UNC80: variants seen among roughly 807,000 people sequenced by gnomAD.
The protein encoded by UNC80 is unc-80 subunit of NALCN channel complex.
Under a neutral mutation model 384.6 loss-of-function variants are expected in UNC80, and 164 were observed. The observed-to-expected ratio is 0.43, with a 90% CI of 0.38 to 0.49. The LOEUF (loss-of-function observed/expected upper bound fraction) is 0.49, where lower values mean the gene tolerates loss of function less well. UNC80 is among the 20% of genes least tolerant of loss of function. The pLI is 0.00. For missense variants in UNC80, 3,330 were observed against 4,143.0 expected, an observed-to-expected ratio of 0.80 and a Z score of 5.39; for synonymous variants, 1,486 against 1,527.8, an observed-to-expected ratio of 0.97 and a Z score of 0.64.
chr2:209,772,337 GTA>G (rs1347183612), intron 1 of UNC80, among the ~76,000 whole-genome samples, 173 bp downstream of exon 1: 1 of 151,198 alleles, frequency 6.6e-6, no homozygotes, highest in African/African-American at 2.4e-5. Flanking sequence ...ATTAAAATAT[GTA>G]TATATATGTA....
chr2:209,913,987 A>C, intron 31 of UNC80, 47 bp downstream of exon 31: 1 of 1,502,316 alleles, frequency 6.7e-7, no homozygotes, highest in Non-Finnish European at 8.9e-7. Flanking sequence ...CACTGCTGTT[A>C]CTGATCCAAG....
At chr2:209,886,957 T>C (rs761315800) in intron 25 of UNC80, among the ~76,000 whole-genome samples, 4 of 152,130 alleles carry the variant, frequency 2.6e-5, no homozygotes, top group Non-Finnish European at 4.4e-5. Context: ...AAGAATCTGT[T>C]TCCTCACCCT....
chr2:209,789,440 A>G, intron 5 of UNC80, 92 bp from the exon 6 acceptor site: 1 of 856,770 alleles, frequency 1.2e-6, no homozygotes. Context: ...TGTTCTATTA[A>G]AATAGCTTTT....
chr2:209,916,251 C>T (rs1157528509), intron 31 of UNC80, among the ~76,000 whole-genome samples: 1 of 151,614 alleles, frequency 6.6e-6, no homozygotes, highest in East Asian at 1.9e-4. Flanking sequence ...AGCCACTGGT[C>T]TTCTCCACAT....
chr2:209,815,739 A>C (rs2153827464), intron 9 of UNC80, among the ~76,000 whole-genome samples: 1 of 152,328 alleles, frequency 6.6e-6, no homozygotes, highest in East Asian at 1.9e-4. Context: ...CAAGTACTTT[A>C]TATAAATAGT....
chr2:209,918,761 A>G, intron 33 of UNC80, 98 bp downstream of exon 33: 1 of 1,323,218 alleles, frequency 7.6e-7, no homozygotes, highest in East Asian at 2.6e-5. Flanking sequence ...GAATGTAATA[A>G]TAACACAGAA....
Position 209,982,325 on chromosome 2 carries a change from G to A in UNC80, c.9257+8G>A. The A allele has an allele frequency of 2.6e-6, 4 of 1,550,156 alleles. No individual in the cohort carries two copies. The highest frequency in any genetic ancestry group is 3.5e-6 in the Non-Finnish European group (4 of 1,146,486). On this transcript the variant is annotated splice_region_variant and intron_variant, in intron 60 of 64. Coordinates refer to ENST00000673920, the MANE Select transcript of UNC80 (RefSeq NM_001371986.1). Reference sequence around the variant, plus strand: ...CATGCTACCCAGCCAGAGGTAAACAGCTATGGTTATACTGTACTCTGCATT... The same window carrying A: ...CATGCTACCCAGCCAGAGGTAAACAACTATGGTTATACTGTACTCTGCATT...
chr2:209,972,957 G>A (rs1038853131), intron 55 of UNC80, 107 bp from the exon 56 acceptor site: 1 of 948,356 alleles, frequency 1.1e-6, no homozygotes. Context: ...TTTCTAGGGT[G>A]TTGTAGTTTG....
In UNC80 at chr2:209,831,536, C is replaced by A; in HGVS notation, c.2720C>A (p.Ser907Tyr). ...EGIIVSAMFK[S>Y]LITRCASTTH... ...ATTATCGTCAGCGCCATGTTTAAAT[C>A]CCTCATCACACGCTGCGCTTCAACC... The change falls in exon 16 of 65, where the codon TCC becomes TAC. Residue 907 changes from serine to tyrosine, a missense_variant. Transcript: ENST00000673920. 6.4e-7 allele frequency: 1 copy of A among 1,551,128 alleles called. No homozygotes were observed. The highest frequency in any genetic ancestry group is 8.7e-7 in the Non-Finnish European group (1 of 1,146,726).
chr2:209,819,517 T>G (rs761565334), intron 12 of UNC80, among the ~76,000 whole-genome samples: 19 of 152,086 alleles, frequency 1.2e-4, no homozygotes, highest in Non-Finnish European at 2.2e-4. Flanking sequence ...ATCCTGAATA[T>G]ACATATATAA....
intron 25 of UNC80, among the ~76,000 whole-genome samples, chr2:209,885,939 A>G (rs1291220730): frequency 1.3e-5 from 2 of 151,638 alleles, no homozygotes; most frequent in African/African-American, 4.8e-5. Context: ...TAATTTTTGT[A>G]TTTTTAGTAG....
At chr2:209,924,107 C>T (rs1575032031) in intron 35 of UNC80, among the ~76,000 whole-genome samples, 1 of 152,148 alleles carries the variant, frequency 6.6e-6, no homozygotes, top group East Asian at 1.9e-4. Context: ...ATTTAAGCTT[C>T]CTCAGGGTTA....
intron 22 of UNC80, among the ~76,000 whole-genome samples, chr2:209,869,533 T>C (rs534995624): frequency 2.6e-5 from 4 of 152,226 alleles, no homozygotes; most frequent in South Asian, 2.1e-4. Context: ...GTAATATATA[T>C]ACTAAAATAC....
chr2:209,941,120 G>GA, intron 43 of UNC80, 101 bp from the exon 44 acceptor site: 2 of 1,372,542 alleles, frequency 1.5e-6, no homozygotes, highest in Non-Finnish European at 1.9e-6. Flanking sequence ...TCCTGGAGCT[G>GA]GAACAAACGG....
intron 29 of UNC80, among the ~76,000 whole-genome samples, chr2:209,908,824 A>T (rs2088580303): frequency 6.6e-6 from 1 of 152,200 alleles, no homozygotes; most frequent in Non-Finnish European, 1.5e-5. Context: ...TACATAATTC[A>T]TGTGTTAAAG....
Position 209,959,544 on chromosome 2 carries a change from G to A in UNC80, c.7642G>A (p.Glu2548Lys). ...GQGIPREELD[E>K]RIAREEFRRP... The stretch of plus-strand genomic sequence containing the variant: ...AGGCATTCCCAGAGAGGAACTGGAT[G>A]AACGAATTGCTCGGGAAGAGTTCAG... The change falls in exon 51 of 65, where the codon GAA becomes AAA. Residue 2548 changes from glutamate to lysine, a missense_variant. Transcript: ENST00000673920. 2 of 1,551,714 alleles carry A rather than the reference G, an allele frequency of 1.3e-6. No homozygotes were observed. The highest frequency in any genetic ancestry group is 8.7e-7 in the Non-Finnish European group (1 of 1,146,992).
intron 29 of UNC80, 117 bp from the exon 30 acceptor site, chr2:209,912,443 G>C (rs1197776030): frequency 5.7e-6 from 3 of 523,618 alleles, no homozygotes; most frequent in Non-Finnish European, 9.8e-6. Flanking sequence ...CCACAAAAAG[G>C]CCTTTAATTA....
intron 64 of UNC80, 21 bp from the exon 65 acceptor site, chr2:209,995,308 T>A: frequency 6.4e-7 from 1 of 1,551,668 alleles, no homozygotes; most frequent in Non-Finnish European, 8.7e-7. Flanking sequence ...TTCCATAATG[T>A]TATGATCCTT....
At chr2:209,836,471 T>C (rs1232765140) in intron 18 of UNC80, among the ~76,000 whole-genome samples, 1 of 152,248 alleles carries the variant, frequency 6.6e-6, no homozygotes. Context: ...GTTATTAAGT[T>C]TTCTAAATTC....
Sources: gnomAD v4.1 joint callset for allele counts (sites outside exome capture counted in the v4.1 genomes callset) on GRCh38, gnomAD v4.1.1 for gene constraint, MANE v1.5 for transcripts, NCBI Gene and HGNC (gene_info 2026-07-23, HGNC 2026-07-21) for gene names.